The following CENPM variants were observed in gnomAD, a reference collection of about 807,000 sequenced individuals.
CENPM encodes the protein interphase centromere complex protein 39.
A neutral mutation model predicts 19.6 loss-of-function variants in CENPM; 14 were observed. That is an observed-to-expected ratio of 0.71 (90% confidence interval 0.47 to 1.11). The LOEUF is 1.11. Among genes scored for constraint, CENPM ranks in the 50% most tolerant of loss-of-function variants. CENPM has a pLI of 0.00. For missense variants in CENPM, 239 were observed against 228.4 expected, an observed-to-expected ratio of 1.05 and a Z score of -0.30; for synonymous variants, 114 against 101.5, an observed-to-expected ratio of 1.12 and a Z score of -0.74.
intron 5 of CENPM, 23 bp from the exon 6 acceptor site, chr22:41,939,219 C>T: frequency 6.3e-7 from 1 of 1,597,446 alleles, no homozygotes; most frequent in Non-Finnish European, 8.5e-7. Context: ...CAGAGAACAG[C>T]AGTGAGATAG....
chr22:41,933,755 G>T (rs549280827), downstream of CENPM, among the ~76,000 whole-genome samples: 63 of 152,298 alleles, frequency 4.1e-4, no homozygotes, highest in African/African-American at 1.5e-3. Flanking sequence ...GGAGGGGAGG[G>T]GCTAAGCCAA....
chr22:41,942,391 G>A (rs1044219678), intron 5 of CENPM, among the ~76,000 whole-genome samples: 10 of 152,134 alleles, frequency 6.6e-5, no homozygotes, highest in African/African-American at 2.2e-4. Flanking sequence ...TGGGAGGATC[G>A]CTTGAGGCCA....
At chr22:41,940,036 C>G in intron 5 of CENPM, 1 of 668,656 alleles carries the variant, frequency 1.5e-6, no homozygotes, top group Non-Finnish European at 2.8e-6. Context: ...CCTCCAGCAG[C>G]TCCCCACCAG....
intron 4 of CENPM, chr22:41,944,155 A>G (rs2077770972): frequency 1.0e-6 from 1 of 985,320 alleles, no homozygotes; most frequent in Admixed American, 6.1e-5. Context: ...GTAAACAAAA[A>G]GAGGACGGCC....
chr22:41,940,063 C>T (rs1242624269), intron 5 of CENPM: 4 of 709,976 alleles, frequency 5.6e-6, no homozygotes, highest in Non-Finnish European at 7.9e-6. Context: ...CTGATCCAGC[C>T]CCACCATTCC....
chr22:41,946,832 T>C (rs2077810909), intron 1 of CENPM, 188 bp downstream of exon 1: 2 of 625,120 alleles, frequency 3.2e-6, no homozygotes, highest in African/African-American at 1.8e-5. Flanking sequence ...CACCTATTGG[T>C]GGGTGCGTCC....
At chr22:41,939,781 A>AGAGAAAAAAG (rs2077710908) in intron 5 of CENPM, among the ~76,000 whole-genome samples, 4 of 117,100 alleles carry the variant, frequency 3.4e-5, no homozygotes, top group Non-Finnish European at 5.1e-5. Flanking sequence ...GTCTCAAAAA[A>AGAGAAAAAAG]GAAAGAAAAA....
the CENPM span, among the ~76,000 whole-genome samples, chr22:41,931,966 A>C: frequency 6.6e-6 from 1 of 152,380 alleles, no homozygotes; most frequent in East Asian, 1.9e-4. Context: ...ACAGAAGTCT[A>C]TGAGTGACAA....
chr22:41,946,904 C>T (rs2077811803), intron 1 of CENPM, 116 bp downstream of exon 1: 2 of 1,057,662 alleles, frequency 1.9e-6, no homozygotes, highest in East Asian at 2.4e-5. Context: ...CTATTCCCCG[C>T]CCCCGCCACG....
intron 1 of CENPM, 89 bp from the exon 2 acceptor site, chr22:41,946,585 C>A: frequency 1.9e-6 from 2 of 1,062,632 alleles, no homozygotes; most frequent in South Asian, 2.8e-5. Context: ...CCGGGGGGAT[C>A]GGGACACCGC....
chr22:41,933,040 G>T, the CENPM span, among the ~76,000 whole-genome samples: 1 of 152,164 alleles, frequency 6.6e-6, no homozygotes, highest in Admixed American at 6.5e-5. Context: ...CGAGGGTTAT[G>T]GGTGCAATTT....
intron 1 of CENPM, 59 bp downstream of exon 1, chr22:41,946,961 G>C: frequency 1.3e-6 from 2 of 1,562,116 alleles, no homozygotes; most frequent in Non-Finnish European, 1.8e-6. Flanking sequence ...TTGACCTAGT[G>C]GCTGAAGCAC....
chr22:41,943,168 C>T (rs1343061801), intron 5 of CENPM, among the ~76,000 whole-genome samples: 1 of 152,148 alleles, frequency 6.6e-6, no homozygotes, highest in African/African-American at 2.4e-5. Context: ...ATCAGGCATT[C>T]TGACTCCCAG....
the CENPM span, among the ~76,000 whole-genome samples, chr22:41,930,812 T>A: frequency 1.4e-5 from 2 of 139,996 alleles, no homozygotes; most frequent in Non-Finnish European, 3.1e-5. Flanking sequence ...GAGCCACCAC[T>A]CCTGGCCTAA....
downstream of CENPM, among the ~76,000 whole-genome samples, chr22:41,934,481 C>T (rs1248782777): frequency 6.6e-6 from 1 of 152,218 alleles, no homozygotes; most frequent in Admixed American, 6.5e-5. Flanking sequence ...CAGTAGCCTT[C>T]GCCCCCCCAT....
At position 41,947,110 on chromosome 22, in the gene CENPM, G is replaced by T; in HGVS notation, c.-34C>A. On this transcript the variant is annotated 5_prime_UTR_variant, in exon 1 of 6. Coordinates refer to ENST00000215980, the MANE Select transcript of CENPM (RefSeq NM_024053.5). ...CAGGACCAACCGTTGCTCCTGCGGT[G>T]CGCGCCGATCTTTCAAACCGCCCTG... is the stretch of plus-strand genomic sequence containing the variant. 6.2e-7 allele frequency: 1 copy of T among 1,608,438 alleles called. No individual in the cohort carries two copies. Among genetic ancestry groups the T allele is most frequent in the Non-Finnish European group, 8.5e-7 (1 of 1,176,646 alleles).
At chr22:41,939,315 C>G (rs1042026587) in intron 5 of CENPM, 119 bp from the exon 6 acceptor site, 2 of 1,135,748 alleles carry the variant, frequency 1.8e-6, no homozygotes, top group Non-Finnish European at 2.4e-6. Context: ...TAGCTCAGGT[C>G]ACCACTGCCC....
chr22:41,942,156 T>A (rs1362357566), intron 5 of CENPM, among the ~76,000 whole-genome samples: 1 of 152,172 alleles, frequency 6.6e-6, no homozygotes, highest in African/African-American at 2.4e-5. Flanking sequence ...TCGAAATGTA[T>A]CTCAAAACCA....
intron 5 of CENPM, among the ~76,000 whole-genome samples, chr22:41,941,186 C>T (rs2077735690): frequency 6.6e-6 from 1 of 152,204 alleles, no homozygotes; most frequent in South Asian, 2.1e-4. Context: ...TGTGTTTCCT[C>T]ATCAATGGAA....
Sources: allele counts gnomAD v4.1 joint callset (sites outside exome capture counted in the v4.1 genomes callset), GRCh38; gene constraint gnomAD v4.1.1; transcripts MANE v1.5; gene names NCBI Gene and HGNC (gene_info 2026-07-23, HGNC 2026-07-21).